The following TRPS1 variants were observed in gnomAD, a reference collection of about 807,000 sequenced individuals.
TRPS1 encodes zinc finger transcription factor Trps1.
A neutral mutation model predicts 101.2 loss-of-function variants in TRPS1; 6 were observed. The observed-to-expected ratio is 0.06, with a 90% CI of 0.03 to 0.12. The LOEUF is 0.12. Ranked by LOEUF, TRPS1 falls within the 10% of genes least tolerant of loss-of-function variation. The pLI, the probability that TRPS1 is intolerant of heterozygous loss-of-function variation, is 1.00. For synonymous variants in TRPS1, 578 were observed against 589.8 expected, an observed-to-expected ratio of 0.98 and a Z score of 0.29; for missense variants, 1,363 against 1,567.0, an observed-to-expected ratio of 0.87 and a Z score of 2.20.
chr8:115,497,119 A>G (rs910641491), intron 5 of TRPS1, among the ~76,000 whole-genome samples: 14 of 152,282 alleles, frequency 9.2e-5, no homozygotes, highest in African/African-American at 3.4e-4. Flanking sequence ...ACCTTTACAC[A>G]GTTCTCATAT....
At chr8:115,588,092 G>A (rs187939339) in intron 4 of TRPS1, among the ~76,000 whole-genome samples, 210 of 152,254 alleles carry the variant, frequency 1.4e-3, no homozygotes, top group Non-Finnish European at 2.1e-3. Flanking sequence ...AAACTAAATT[G>A]AGGATTTTTC....
chr8:115,489,580 A>C, intron 5 of TRPS1, among the ~76,000 whole-genome samples: 1 of 152,186 alleles, frequency 6.6e-6, no homozygotes, highest in Admixed American at 6.5e-5. Context: ...TTGTATCAAA[A>C]GATCATGAAT....
At chr8:115,518,395 C>T (rs1166760023) in intron 5 of TRPS1, among the ~76,000 whole-genome samples, 1 of 151,404 alleles carries the variant, frequency 6.6e-6, no homozygotes, top group Non-Finnish European at 1.5e-5. Context: ...AGCAAAAATA[C>T]AAAAATGTGA....
chr8:115,504,158 C>T (rs183441964), intron 5 of TRPS1, among the ~76,000 whole-genome samples: 125 of 152,294 alleles, frequency 8.2e-4, no homozygotes, highest in African/African-American at 2.9e-3. Context: ...CACTACAACA[C>T]TCCAACTTCA....
At chr8:115,527,762 G>A (rs956449987) in intron 5 of TRPS1, among the ~76,000 whole-genome samples, 4 of 152,004 alleles carry the variant, frequency 2.6e-5, no homozygotes, top group Non-Finnish European at 4.4e-5. Flanking sequence ...CAGGATAATT[G>A]AGCATTAATA....
At chr8:115,611,799 T>A (rs1366392618) in intron 3 of TRPS1, among the ~76,000 whole-genome samples, 1 of 152,188 alleles carries the variant, frequency 6.6e-6, no homozygotes, top group Non-Finnish European at 1.5e-5. Flanking sequence ...TACATAACGG[T>A]GCTTGCTATG....
intron 5 of TRPS1, among the ~76,000 whole-genome samples, chr8:115,528,593 T>C (rs1014133387): frequency 6.6e-6 from 1 of 152,068 alleles, no homozygotes; most frequent in Non-Finnish European, 1.5e-5. Flanking sequence ...CCATTATTAA[T>C]CCAGCTACTA....
intron 3 of TRPS1, among the ~76,000 whole-genome samples, chr8:115,614,225 A>C (rs1021175472): frequency 6.6e-6 from 1 of 152,238 alleles, no homozygotes; most frequent in African/African-American, 2.4e-5. Context: ...GAGAGGTAAA[A>C]GATTTTCTTA....
At chr8:115,426,262 C>T (rs371593642) in intron 5 of TRPS1, among the ~76,000 whole-genome samples, 2 of 152,106 alleles carry the variant, frequency 1.3e-5, no homozygotes, top group Non-Finnish European at 2.9e-5. Flanking sequence ...AGTGTGACAG[C>T]ACAAGAGTTG....
At chr8:115,469,561 T>C (rs800877) in intron 5 of TRPS1, among the ~76,000 whole-genome samples, 133,818 of 152,040 alleles carry the variant, frequency 0.88, 59,250 homozygotes, top group African/African-American at 0.97. Flanking sequence ...TGCAGTGGCG[T>C]GATCCCAGCT....
chr8:115,446,333 CA>C (rs5894264), intron 5 of TRPS1, among the ~76,000 whole-genome samples: 19 of 140,068 alleles, frequency 1.4e-4, no homozygotes, highest in African/African-American at 2.6e-4. Flanking sequence ...TCCTGTCAGA[CA>C]AAAAAAAAAA....
At position 115,503,918 on chromosome 8, in the gene TRPS1, T is replaced by C. The variant is rs190917893; in HGVS notation, c.2700+83083A>G. Among the ~76,000 whole-genome samples the C allele has an allele frequency of 5.9e-4, 90 of 152,324 alleles. 2 individuals are homozygous for C. Among genetic ancestry groups the C allele is most frequent in the Admixed American group, 5.2e-3 (80 of 15,300 alleles). On this transcript the variant is annotated intron_variant, in intron 5 of 6. Transcript: ENST00000395715. ...TCATTGTGACTGTGAACGAAAATTA[T>C]GCACTCTTATTATTATAGACAATAA...
Position 115,536,249 on chromosome 8 carries a change from G to A in TRPS1, c.2700+50752C>T, listed in dbSNP as rs532392036. Among the ~76,000 whole-genome samples, 44 of 152,026 alleles carry A rather than the reference G, an allele frequency of 2.9e-4. 2 individuals are homozygous for A. Among genetic ancestry groups the A allele is most frequent in the Admixed American group, 2.7e-3 (41 of 15,284 alleles). Reference sequence around the variant, plus strand: ...AAATAGTATTTCACAGGCTGGGTGCGGTGGCTCACCCCTGTAATCCCAGCA... The same window carrying A: ...AAATAGTATTTCACAGGCTGGGTGCAGTGGCTCACCCCTGTAATCCCAGCA... On this transcript the variant is annotated intron_variant, in intron 5 of 6. Transcript: ENST00000395715.
chr8:115,479,185 T>C (rs1814690701), intron 5 of TRPS1, among the ~76,000 whole-genome samples: 1 of 152,094 alleles, frequency 6.6e-6, no homozygotes, highest in Non-Finnish European at 1.5e-5. Context: ...GTTATTAAAA[T>C]AACAATTGTC....
chr8:115,602,852 T>A (rs923905288), intron 4 of TRPS1, among the ~76,000 whole-genome samples: 1 of 152,248 alleles, frequency 6.6e-6, no homozygotes, highest in African/African-American at 2.4e-5. Flanking sequence ...AATGCTTTGC[T>A]GAACTAATTC....
At chr8:115,659,567 A>AAT (rs945905421) in intron 1 of TRPS1, among the ~76,000 whole-genome samples, 9 of 151,944 alleles carry the variant, frequency 5.9e-5, no homozygotes, top group African/African-American at 1.4e-4. Flanking sequence ...GATTAAAATT[A>AAT]ATATATATAT....
chr8:115,608,652 G>A (rs1818093780), intron 3 of TRPS1, among the ~76,000 whole-genome samples: 1 of 148,890 alleles, frequency 6.7e-6, no homozygotes, highest in African/African-American at 2.6e-5. Context: ...GATCAAGTGA[G>A]AACTATGGAT....
chr8:115,619,296 T>C lies in TRPS1; in HGVS notation c.802A>G (p.Arg268Gly), dbSNP rs1818334160. The C allele has an allele frequency of 2.5e-6, 4 of 1,614,018 alleles. No individual in the cohort carries two copies. The Admixed American group carries it at 5.0e-5, about 20-fold the overall frequency. Residue 268 changes from arginine (R) to glycine (G), a missense_variant, in exon 3 of 7, where the codon AGG becomes GGG. By Grantham distance (125) the Arg-to-Gly change is moderately radical. Transcript: ENST00000395715. ...TTGCTGTCCAGCTCAGCATCTTGCC[T>C]GGTGCGGTTATGCAGTCCTAAGTGA... Reference protein sequence around the residue: ...KYHLGLHNRTRQDAELDSKIL... With the variant: ...KYHLGLHNRTGQDAELDSKIL...
intron 4 of TRPS1, among the ~76,000 whole-genome samples, chr8:115,599,655 C>G (rs912933273): frequency 6.6e-6 from 1 of 152,172 alleles, no homozygotes; most frequent in African/African-American, 2.4e-5. Context: ...ATCCATGTCC[C>G]TGCAAAGGAC....
Sources: allele counts gnomAD v4.1 joint callset (sites outside exome capture counted in the v4.1 genomes callset), GRCh38; gene constraint gnomAD v4.1.1; transcripts MANE v1.5; gene names NCBI Gene and HGNC (gene_info 2026-07-23, HGNC 2026-07-21).